Variants in NCOA3 observed in about 807,000 individuals in gnomAD.
NCOA3 encodes CBP-interacting protein.
In NCOA3, 51 loss-of-function variants were observed where a neutral mutation model predicts 158.8. The observed-to-expected ratio is 0.32, with a 90% CI of 0.26 to 0.41. The LOEUF is 0.41. Ranked by LOEUF, NCOA3 falls within the 10% of genes least tolerant of loss-of-function variation. The pLI, the probability that NCOA3 is intolerant of heterozygous loss-of-function variation, is 1.00. For missense variants in NCOA3, 1,510 were observed against 1,746.6 expected (o/e 0.86, Z 2.41); for synonymous variants, 537 against 592.4 (o/e 0.91, Z 1.36).
intron 12 of NCOA3, among the ~76,000 whole-genome samples, chr20:47,637,025 T>A (rs894493127): frequency 8.5e-5 from 13 of 152,092 alleles, no homozygotes; most frequent in Non-Finnish European, 7.4e-5. Context: ...AATGGGCAGA[T>A]TGGGTCATTA....
intron 12 of NCOA3, 63 bp downstream of exon 12, chr20:47,636,825 T>A: frequency 3.5e-6 from 5 of 1,426,854 alleles, no homozygotes; most frequent in Non-Finnish European, 4.7e-6. Flanking sequence ...GATAATGTGA[T>A]ATAAAAATTC....
intron 1 of NCOA3, among the ~76,000 whole-genome samples, chr20:47,531,891 C>T (rs1747629795): frequency 6.6e-6 from 1 of 152,170 alleles, no homozygotes; most frequent in South Asian, 2.1e-4. Flanking sequence ...GTGTTCTCTG[C>T]TCCTGTCAGA....
chr20:47,596,161 T>G (rs1348015975), intron 2 of NCOA3, among the ~76,000 whole-genome samples: 3 of 152,238 alleles, frequency 2.0e-5, no homozygotes, highest in Non-Finnish European at 2.9e-5. Context: ...GCTTCTATCC[T>G]TGAAGTCACA....
At chr20:47,505,003 G>GTGTTTT (rs2084004453) in intron 1 of NCOA3, among the ~76,000 whole-genome samples, 1 of 28,550 alleles carries the variant, frequency 3.5e-5, no homozygotes, top group Non-Finnish European at 5.4e-5. Flanking sequence ...TGGGTTTTTG[G>GTGTTTT]TTTTTTTTTT....
chr20:47,590,357 CTT>C (rs1415654975), intron 2 of NCOA3, among the ~76,000 whole-genome samples: 4 of 152,120 alleles, frequency 2.6e-5, no homozygotes, highest in Admixed American at 1.3e-4. Flanking sequence ...GTCTCACTCT[CTT>C]GACCTACCTG....
intron 1 of NCOA3, among the ~76,000 whole-genome samples, chr20:47,560,005 C>G (rs1012690290): frequency 6.6e-6 from 1 of 152,130 alleles, no homozygotes; most frequent in Non-Finnish European, 1.5e-5. Context: ...AAACTGGTCT[C>G]GAACTGCTGG....
intron 13 of NCOA3, among the ~76,000 whole-genome samples, 180 bp downstream of exon 13, chr20:47,637,963 G>GT (rs1379165807): frequency 6.6e-6 from 1 of 152,028 alleles, no homozygotes; most frequent in African/African-American, 2.4e-5. Context: ...ACATTTTCCT[G>GT]TTTTTTAAAA....
At chr20:47,600,851 G>T (rs184902578) in intron 2 of NCOA3, among the ~76,000 whole-genome samples, 264 of 149,578 alleles carry the variant, frequency 1.8e-3, no homozygotes, top group Admixed American at 3.0e-3. Flanking sequence ...TTCAAAAATT[G>T]TATCTTGAAT....
chr20:47,637,839 CCTGTAAACACTCTTA>C, intron 13 of NCOA3, 56 bp downstream of exon 13: 2 of 1,468,720 alleles, frequency 1.4e-6, no homozygotes, highest in Non-Finnish European at 1.8e-6. Context: ...TTTCTGCATA[CCTGTAAACACTCTTA>C]CACTAAGACC....
At chr20:47,503,971 A>G (rs1186657335) in intron 1 of NCOA3, among the ~76,000 whole-genome samples, 1 of 152,218 alleles carries the variant, frequency 6.6e-6, no homozygotes, top group Non-Finnish European at 1.5e-5. Context: ...AGCTTTTGGC[A>G]TATAGAAGAT....
chr20:47,596,968 T>C (rs1175357011), intron 2 of NCOA3, among the ~76,000 whole-genome samples: 1 of 152,240 alleles, frequency 6.6e-6, no homozygotes, highest in Non-Finnish European at 1.5e-5. Flanking sequence ...TCACTTTTTA[T>C]TTATCATAGG....
chr20:47,583,087 C>A, intron 1 of NCOA3, 96 bp from the exon 2 acceptor site: 1 of 396,534 alleles, frequency 2.5e-6, no homozygotes. Context: ...AGCCACCACG[C>A]CCGGCTGGAA....
At chr20:47,611,511 C>T (rs1431220708) in intron 2 of NCOA3, among the ~76,000 whole-genome samples, 2 of 152,122 alleles carry the variant, frequency 1.3e-5, no homozygotes, top group Non-Finnish European at 2.9e-5. Flanking sequence ...TAAAAAATCT[C>T]CTCCTCGGCC....
Position 47,639,739 on chromosome 20 carries a change from C to A in NCOA3, c.2870C>A (p.Ser957Tyr). 6.2e-7 allele frequency: 1 copy of A among 1,614,214 alleles called. No individual in the cohort carries two copies. Among genetic ancestry groups the A allele is most frequent in the South Asian group, 1.1e-5 (1 of 91,082 alleles). Residue 957 changes from serine (S) to tyrosine (Y), a missense_variant, in exon 15 of 23, where the codon TCT (serine) becomes TAT (tyrosine). By Grantham distance (144) the Ser-to-Tyr change is moderately radical. This residue lies in a region of NCOA3 where 1,017 missense variants were observed against 1,098.3 expected (regional missense o/e 0.93). Coordinates refer to ENST00000371998, the MANE Select transcript of NCOA3 (RefSeq NM_181659.3). ...TTACCCAGACCTGCACTGGGTGGCT[C>A]TATTCCCACATTGCCTCTTCGGTCT... Reference protein sequence around the residue: ...TSLPRPALGGSIPTLPLRSNS... With the variant: ...TSLPRPALGGYIPTLPLRSNS...
chr20:47,520,465 A>G (rs2084311208), intron 1 of NCOA3, among the ~76,000 whole-genome samples: 1 of 152,174 alleles, frequency 6.6e-6, no homozygotes, highest in South Asian at 2.1e-4. Flanking sequence ...CCTGAGAAGA[A>G]AGGAAAGGGG....
At chr20:47,641,727 C>T (rs1393116701) in intron 16 of NCOA3, among the ~76,000 whole-genome samples, 1 of 151,528 alleles carries the variant, frequency 6.6e-6, no homozygotes, top group African/African-American at 2.4e-5. Flanking sequence ...GATCTCCTGA[C>T]CTCGTGATCC....
chr20:47,502,741 G>C (rs1258455903), intron 1 of NCOA3, among the ~76,000 whole-genome samples: 1 of 139,582 alleles, frequency 7.2e-6, no homozygotes, highest in African/African-American at 2.7e-5. Flanking sequence ...CTCATTTTAT[G>C]AACATCGACC....
intron 1 of NCOA3, among the ~76,000 whole-genome samples, chr20:47,530,307 A>G (rs2084523904): frequency 6.6e-6 from 1 of 152,222 alleles, no homozygotes; most frequent in South Asian, 2.1e-4. Context: ...TGCTGCATAC[A>G]TAAAATTTTA....
chr20:47,604,560 C>T (rs1022760678), intron 2 of NCOA3, among the ~76,000 whole-genome samples: 2 of 152,112 alleles, frequency 1.3e-5, no homozygotes, highest in Non-Finnish European at 2.9e-5. Flanking sequence ...CTTTTAACAT[C>T]CATTTATTCT....
Sources: allele counts gnomAD v4.1 joint callset (sites outside exome capture counted in the v4.1 genomes callset), GRCh38; gene constraint gnomAD v4.1.1; regional missense constraint gnomAD v4.1.1; transcripts MANE v1.5; gene names NCBI Gene and HGNC (gene_info 2026-07-23, HGNC 2026-07-21).